ERC2: variants seen among roughly 807,000 people sequenced by gnomAD.
The protein encoded by ERC2 is ERC protein 2.
ERC2 carries 42 observed loss-of-function variants against 114.8 expected under a neutral mutation model. The observed-to-expected ratio is 0.37, with a 90% CI of 0.29 to 0.47. The LOEUF (loss-of-function observed/expected upper bound fraction) is 0.47. ERC2 is among the 20% of genes least tolerant of loss of function. ERC2 has a pLI of 0.99. For synonymous variants in ERC2, 454 were observed against 425.5 expected, an observed-to-expected ratio of 1.07 and a Z score of -0.82; for missense variants, 939 against 1,150.7, an observed-to-expected ratio of 0.82 and a Z score of 2.66.
chr3:55,972,949 G>A (rs1284295125), intron 12 of ERC2, among the ~76,000 whole-genome samples: 2 of 152,174 alleles, frequency 1.3e-5, no homozygotes, highest in Admixed American at 6.5e-5. Flanking sequence ...TTGGGTGAAG[G>A]CAAACACTGA....
chr3:55,961,892 C>T, intron 12 of ERC2, among the ~76,000 whole-genome samples: 1 of 148,070 alleles, frequency 6.8e-6, no homozygotes, highest in Admixed American at 6.7e-5. Context: ...TGGACTGATT[C>T]TTCACATTGA....
At chr3:55,715,960 A>AGT (rs1318385824) in intron 15 of ERC2, among the ~76,000 whole-genome samples, 1 of 152,200 alleles carries the variant, frequency 6.6e-6, no homozygotes, top group Non-Finnish European at 1.5e-5. Context: ...AACCACAGCT[A>AGT]AGTATGCAGA....
intron 17 of ERC2, among the ~76,000 whole-genome samples, chr3:55,579,924 T>C (rs1254164584): frequency 6.6e-6 from 1 of 152,148 alleles, no homozygotes; most frequent in African/African-American, 2.4e-5. Flanking sequence ...TTTTAAATCC[T>C]GCTTCAAGTA....
rs375579549 is a variant in ERC2, at chr3:55,988,060, T to C, written c.2256-2072A>G. The stretch of plus-strand genomic sequence containing the variant: ...AAATATAGTGGCAGCAGGTCTTACT[T>C]GACAGATTCTATTAACCTCTCTCTT... On this transcript the variant is annotated intron_variant, in intron 11 of 17. Transcript: ENST00000288221. 3.3e-5 allele frequency among the ~76,000 whole-genome samples: 5 copies of C among 152,310 alleles called. No homozygotes were observed. The East Asian group carries it at 9.7e-4, about 29-fold the overall frequency.
intron 3 of ERC2, among the ~76,000 whole-genome samples, chr3:56,181,944 C>T (rs935634623): frequency 2.0e-5 from 3 of 152,218 alleles, no homozygotes; most frequent in African/African-American, 7.2e-5. Context: ...ATGACTGCAG[C>T]CCTGTCCAAC....
At chr3:55,605,460 T>C (rs897765413) in intron 17 of ERC2, among the ~76,000 whole-genome samples, 1 of 152,182 alleles carries the variant, frequency 6.6e-6, no homozygotes. Flanking sequence ...AATACAATCA[T>C]TCATTCTTTT....
chr3:55,694,484 C>T (rs1426293002), intron 16 of ERC2, among the ~76,000 whole-genome samples: 1 of 152,172 alleles, frequency 6.6e-6, no homozygotes, highest in East Asian at 1.9e-4. Flanking sequence ...AAACTCATAG[C>T]CCTCATTTAG....
chr3:56,349,594 G>A (rs1014163544), intron 2 of ERC2, among the ~76,000 whole-genome samples: 2 of 152,196 alleles, frequency 1.3e-5, no homozygotes, highest in African/African-American at 4.8e-5. Context: ...GAGGGTGGGA[G>A]GAGGATGAGG....
chr3:56,359,586 T>G (rs74506039), intron 2 of ERC2, among the ~76,000 whole-genome samples: 3 of 152,252 alleles, frequency 2.0e-5, no homozygotes, highest in African/African-American at 7.2e-5. Context: ...CAAGGCCACA[T>G]GGCCAGTGTC....
intron 6 of ERC2, among the ~76,000 whole-genome samples, chr3:56,094,637 T>C (rs564049778): frequency 1.3e-5 from 2 of 152,236 alleles, no homozygotes; most frequent in Non-Finnish European, 2.9e-5. Context: ...AGGAGGTGAA[T>C]GATCCAGCTG....
chr3:56,217,628 G>A (rs1467066038), intron 3 of ERC2, among the ~76,000 whole-genome samples: 1 of 152,066 alleles, frequency 6.6e-6, no homozygotes, highest in Non-Finnish European at 1.5e-5. Context: ...CACAGAATTG[G>A]AAAAAACTAC....
At chr3:55,975,192 A>T (rs2069487701) in intron 12 of ERC2, among the ~76,000 whole-genome samples, 1 of 128,796 alleles carries the variant, frequency 7.8e-6, no homozygotes, top group Non-Finnish European at 1.6e-5. Context: ...AGTTGCTATA[A>T]AAAAAAAAAA....
intron 4 of ERC2, among the ~76,000 whole-genome samples, chr3:56,162,235 A>T (rs770491593): frequency 1.6e-4 from 24 of 152,184 alleles, no homozygotes; most frequent in Non-Finnish European, 3.2e-4. Context: ...AATGAAGCCT[A>T]CTTGATTGTG....
chr3:55,586,062 C>T (rs574405782), intron 17 of ERC2, among the ~76,000 whole-genome samples: 7 of 152,156 alleles, frequency 4.6e-5, no homozygotes, highest in African/African-American at 1.7e-4. Context: ...CTGGGAGCCC[C>T]GGGGGCTTCC....
intron 11 of ERC2, among the ~76,000 whole-genome samples, chr3:55,987,855 T>C (rs1197852440): frequency 6.6e-6 from 1 of 152,176 alleles, no homozygotes; most frequent in African/African-American, 2.4e-5. Flanking sequence ...TGATGTTATG[T>C]CTTACGAGTG....
chr3:56,029,649 A>C (rs2074258219), intron 7 of ERC2, among the ~76,000 whole-genome samples: 1 of 152,120 alleles, frequency 6.6e-6, no homozygotes, highest in Non-Finnish European at 1.5e-5. Flanking sequence ...TAGGTTGCTA[A>C]TAGCTACAGG....
At chr3:56,210,294 AAAG>A (rs2048980948) in intron 3 of ERC2, among the ~76,000 whole-genome samples, 1 of 152,196 alleles carries the variant, frequency 6.6e-6, no homozygotes, top group Non-Finnish European at 1.5e-5. Flanking sequence ...ATCTAATTGA[AAAG>A]AAGGGAACAG....
At chr3:56,206,341 A>T (rs2048735977) in intron 3 of ERC2, among the ~76,000 whole-genome samples, 1 of 152,136 alleles carries the variant, frequency 6.6e-6, no homozygotes, top group South Asian at 2.1e-4. Context: ...AGTAGTTCCC[A>T]ATTTTCCAAT....
At chr3:55,771,510 G>T (rs12488280) in intron 14 of ERC2, among the ~76,000 whole-genome samples, 97,228 of 152,038 alleles carry the variant, frequency 0.64, 33,717 homozygotes, top group Non-Finnish European at 0.76. Flanking sequence ...CTTGAACCCA[G>T]GTCTGTTTAT....
Sources: gnomAD v4.1 joint callset for allele counts (sites outside exome capture counted in the v4.1 genomes callset) on GRCh38, gnomAD v4.1.1 for gene constraint, MANE v1.5 for transcripts, NCBI Gene and HGNC (gene_info 2026-07-23, HGNC 2026-07-21) for gene names.